The following MYRIP variants were observed in gnomAD, a reference collection of about 807,000 sequenced individuals.
The protein encoded by MYRIP is rab effector MyRIP.
MYRIP carries 49 observed loss-of-function variants against 98.0 expected under a neutral mutation model. The observed-to-expected ratio is 0.50, with a 90% CI of 0.40 to 0.63. The LOEUF (loss-of-function observed/expected upper bound fraction) is 0.63, where lower values mean the gene tolerates loss of function less well. Ranked by LOEUF, MYRIP falls within the 30% of genes least tolerant of loss-of-function variation. The pLI is 0.00. For synonymous variants in MYRIP, 404 were observed against 409.5 expected (o/e 0.99, Z 0.16); for missense variants, 1,004 against 1,058.2 (o/e 0.95, Z 0.71).
At chr3:39,945,249 C>G (rs36107548) in intron 2 of MYRIP, among the ~76,000 whole-genome samples, 36,072 of 142,168 alleles carry the variant, frequency 0.25, 5,169 homozygotes, top group Middle Eastern at 0.39. Context: ...GTGGGCAGAT[C>G]ACTTGAGCCC....
At chr3:39,815,544 GTA>G (rs1437849831) in intron 1 of MYRIP, among the ~76,000 whole-genome samples, 3 of 152,126 alleles carry the variant, frequency 2.0e-5, no homozygotes, top group African/African-American at 4.8e-5. Context: ...GTTATTGCCA[GTA>G]TATAGTAAGG....
intron 1 of MYRIP, among the ~76,000 whole-genome samples, chr3:39,869,483 C>T (rs1575323340): frequency 6.6e-6 from 1 of 152,118 alleles, no homozygotes; most frequent in African/African-American, 2.4e-5. Context: ...AGTCTTGAGA[C>T]ATGGTTTCTT....
intron 5 of MYRIP, among the ~76,000 whole-genome samples, chr3:40,166,636 TCAAA>T (rs1950505417): frequency 6.6e-6 from 1 of 152,074 alleles, no homozygotes; most frequent in Non-Finnish European, 1.5e-5. Flanking sequence ...CATGAAAGAA[TCAAA>T]CAATTTGTTG....
chr3:39,904,625 T>C (rs1943832474), intron 2 of MYRIP, among the ~76,000 whole-genome samples: 1 of 152,176 alleles, frequency 6.6e-6, no homozygotes, highest in South Asian at 2.1e-4. Context: ...GTCCTGGCTC[T>C]GGCAGGTAAG....
At chr3:40,077,457 T>A (rs1046618109) in intron 3 of MYRIP, among the ~76,000 whole-genome samples, 9 of 149,826 alleles carry the variant, frequency 6.0e-5, no homozygotes. Context: ...AGCTAGATAC[T>A]GTGTGTGGAC....
intron 3 of MYRIP, among the ~76,000 whole-genome samples, chr3:40,099,462 G>T (rs1948898775): frequency 6.6e-6 from 1 of 152,078 alleles, no homozygotes; most frequent in Non-Finnish European, 1.5e-5. Context: ...AGATACTGAG[G>T]TTCATAGAAG....
At chr3:40,152,124 A>G (rs1463377246) in intron 4 of MYRIP, among the ~76,000 whole-genome samples, 1 of 152,222 alleles carries the variant, frequency 6.6e-6, no homozygotes, top group African/African-American at 2.4e-5. Context: ...TAGCTAAGAG[A>G]GCAGTGCCGA....
At position 39,876,728 on chromosome 3, in the gene MYRIP, T is replaced by C. The variant is rs180933087; in HGVS notation, c.-30-24059T>C. ...AGAGATCTGCTGTTAGTCTGATGGG[T>C]TTCCCTTTGAGGGTAACCCGACTTT... On this transcript the variant is annotated intron_variant, in intron 1 of 16. Coordinates refer to ENST00000302541, the MANE Select transcript of MYRIP (RefSeq NM_015460.4). Among the ~76,000 whole-genome samples, 1,123 of 151,638 alleles carry C rather than the reference T, an allele frequency of 7.4e-3. 17 individuals are homozygous for C. Among genetic ancestry groups the C allele is most frequent in the African/African-American group, 0.026 (1,054 of 40,986 alleles).
At chr3:40,130,706 G>A (rs1343589051) in intron 3 of MYRIP, among the ~76,000 whole-genome samples, 1 of 151,568 alleles carries the variant, frequency 6.6e-6, no homozygotes, top group East Asian at 1.9e-4. Context: ...ACCCTCCTAA[G>A]AATATATATA....
rs4676572 is a variant in MYRIP at position 40,120,403 on chromosome 3, G to T, written c.333-30645G>T. On this transcript the variant is annotated intron_variant, in intron 3 of 16. Coordinates refer to ENST00000302541, the MANE Select transcript of MYRIP (RefSeq NM_015460.4). Reference sequence around the variant, plus strand: ...AGTCAAACAGATGAATAAACAAAAAGGAAATTGTACATAATTTTGATATGA... The same window carrying T: ...AGTCAAACAGATGAATAAACAAAAATGAAATTGTACATAATTTTGATATGA... Among the ~76,000 whole-genome samples, 5 of 151,942 alleles carry T rather than the reference G, an allele frequency of 3.3e-5. No homozygotes were observed. In the South Asian group the frequency reaches 8.3e-4, roughly 25 times the overall value.
At chr3:40,219,401 T>C (rs1052663700) in intron 11 of MYRIP, among the ~76,000 whole-genome samples, 6 of 152,214 alleles carry the variant, frequency 3.9e-5, no homozygotes, top group African/African-American at 1.4e-4. Flanking sequence ...TTGTTACATA[T>C]GTATACATGT....
intron 2 of MYRIP, among the ~76,000 whole-genome samples, chr3:39,936,546 A>G (rs574725477): frequency 2.0e-5 from 3 of 152,174 alleles, no homozygotes; most frequent in African/African-American, 7.2e-5. Flanking sequence ...TGGAATAATG[A>G]TGCCTCTCTG....
At chr3:40,081,707 C>T (rs929849657) in intron 3 of MYRIP, among the ~76,000 whole-genome samples, 2 of 152,178 alleles carry the variant, frequency 1.3e-5, no homozygotes, top group African/African-American at 4.8e-5. Context: ...AATTTATTCT[C>T]TTAGCAATTT....
intron 2 of MYRIP, among the ~76,000 whole-genome samples, chr3:39,937,970 T>G (rs1465393512): frequency 3.3e-5 from 5 of 152,080 alleles, no homozygotes; most frequent in African/African-American, 1.2e-4. Context: ...GAGAGAGAAG[T>G]AGGGATGAGA....
intron 3 of MYRIP, among the ~76,000 whole-genome samples, chr3:40,138,134 A>T (rs2125557860): frequency 6.6e-6 from 1 of 152,390 alleles, no homozygotes; most frequent in Non-Finnish European, 1.5e-5. Flanking sequence ...CACTTCTGCC[A>T]AGAAATGATG....
chr3:40,134,483 C>G (rs1349980768), intron 3 of MYRIP, among the ~76,000 whole-genome samples: 1 of 152,236 alleles, frequency 6.6e-6, no homozygotes, highest in Non-Finnish European at 1.5e-5. Flanking sequence ...CAAAAGACAG[C>G]AATAACCTCT....
chr3:39,920,105 GAAAAAAA>G (rs199997472), intron 2 of MYRIP, among the ~76,000 whole-genome samples: 2 of 149,454 alleles, frequency 1.3e-5, no homozygotes, highest in African/African-American at 2.5e-5. Context: ...CTTTGACTAT[GAAAAAAA>G]AATAAAAAAT....
At chr3:39,919,693 GGTGTGTGTGTGTGTGT>G (rs62719862) in intron 2 of MYRIP, among the ~76,000 whole-genome samples, 6 of 143,266 alleles carry the variant, frequency 4.2e-5, no homozygotes, top group Non-Finnish European at 7.5e-5. Context: ...GGGTATGTGT[GGTGTGTGTGTGTGTGT>G]GTGTGTGTGT....
At chr3:39,924,294 T>C (rs1257331722) in intron 2 of MYRIP, among the ~76,000 whole-genome samples, 1 of 152,050 alleles carries the variant, frequency 6.6e-6, no homozygotes, top group Non-Finnish European at 1.5e-5. Context: ...GAACTATATA[T>C]ATGATATAAA....
Sources: allele counts gnomAD v4.1 joint callset (sites outside exome capture counted in the v4.1 genomes callset), GRCh38; gene constraint gnomAD v4.1.1; transcripts MANE v1.5; gene names NCBI Gene and HGNC (gene_info 2026-07-23, HGNC 2026-07-21).